The following FAH variants were observed in gnomAD, a reference collection of about 807,000 sequenced individuals.
FAH encodes the protein fumarylacetoacetase.
A neutral mutation model predicts 55.8 loss-of-function variants in FAH; 47 were observed. The ratio of observed to expected loss-of-function variants is 0.84; its 90% CI spans 0.67 to 1.07. The LOEUF (loss-of-function observed/expected upper bound fraction) is 1.07. Ranked by LOEUF, FAH falls within the 50% of genes least tolerant of loss-of-function variation. The pLI, the probability that FAH is intolerant of heterozygous loss-of-function variation, is 0.00. For synonymous variants in FAH, 199 were observed against 207.7 expected (o/e 0.96, Z 0.36); for missense variants, 495 against 545.9 (o/e 0.91, Z 0.93).
chr15:80,156,737 C>T (rs915761070), intron 1 of FAH: 1 of 152,142 alleles, frequency 6.6e-6, no homozygotes, highest in Non-Finnish European at 1.5e-5. Flanking sequence ...CCTGTGAGCC[C>T]CCTCTAGTTT....
At chr15:80,167,984 G>T in intron 5 of FAH, 68 bp from the exon 6 acceptor site, 2 of 1,336,858 alleles carry the variant, frequency 1.5e-6, no homozygotes, top group Non-Finnish European at 1.1e-6. Context: ...AGTTTTTGAA[G>T]TTTTTAAAGT....
At position 80,180,168 on chromosome 15, in the gene FAH, C is replaced by T. The variant is rs1159938534; in HGVS notation, c.1005C>T (p.Val335=). Residue 335 remains valine (V), a synonymous_variant, in exon 12 of 14, where the codon GTC becomes GTT. Transcript: ENST00000561421. ...TMLQQLTHHS[V]NGCNLRPGDL... ...TGCAGCAGCTCACTCACCACTCTGT[C>T]AACGGCTGCAACCTGCGGCCGGGGG... 1.9e-6 allele frequency: 3 copies of T among 1,610,884 alleles called. No homozygotes were observed. The highest frequency in any genetic ancestry group is 1.7e-6 in the Non-Finnish European group (2 of 1,179,976).
At chr15:80,177,511 A>G in intron 10 of FAH, 26 bp from the exon 11 acceptor site, 1 of 1,608,874 alleles carries the variant, frequency 6.2e-7, no homozygotes, top group Non-Finnish European at 8.5e-7. Context: ...TTAAGTTTTC[A>G]TCAATATTGC....
chr15:80,172,869 T>G, intron 8 of FAH, 145 bp from the exon 9 acceptor site: 3 of 1,083,852 alleles, frequency 2.8e-6, no homozygotes, highest in Non-Finnish European at 4.2e-6. Flanking sequence ...TCTTGCCCCT[T>G]TGTCCTGGGG....
intron 11 of FAH, 53 bp from the exon 12 acceptor site, chr15:80,180,071 A>T: frequency 8.0e-7 from 1 of 1,245,446 alleles, no homozygotes; most frequent in Non-Finnish European, 1.1e-6. Context: ...TGCCTCCGGG[A>T]TGCTAGGCTA....
Position 80,160,443 on chromosome 15 carries a change from C to T in FAH, c.348C>T (p.His116=), listed in dbSNP as rs538916726. Residue 116 remains histidine, a synonymous_variant, in exon 4 of 14, where the codon CAC becomes CAT. Coordinates refer to ENST00000561421, the MANE Select transcript of FAH (RefSeq NM_000137.4). ...TCTCCCAGGCTTCTGCCACGATGCA[C>T]CTTCCAGCCACCATAGGTGAGTGCA... The part of the protein sequence containing the change: ...AFISQASATM[H]LPATIGDYTD... 25 of 1,614,216 alleles carry T rather than the reference C, an allele frequency of 1.5e-5. No homozygotes were observed. The South Asian group carries it at 2.6e-4, about 17-fold the overall frequency.
At chr15:80,171,788 C>T (rs2041243109) in intron 7 of FAH, among the ~76,000 whole-genome samples, 1 of 152,088 alleles carries the variant, frequency 6.6e-6, no homozygotes, top group East Asian at 1.9e-4. Context: ...GAATACAAAC[C>T]CTGATAGTTT....
chr15:80,160,530 T>C (rs1311988842), intron 4 of FAH, 71 bp downstream of exon 4: 15 of 1,478,538 alleles, frequency 1.0e-5, no homozygotes, highest in Non-Finnish European at 1.4e-5. Context: ...CCAGGTGCTT[T>C]GGTTCTGCAT....
chr15:80,172,954 G>A (rs1160397646), intron 8 of FAH, 60 bp from the exon 9 acceptor site: 2 of 1,612,686 alleles, frequency 1.2e-6, no homozygotes, highest in Admixed American at 3.3e-5. Context: ...GGCAGGAGGG[G>A]GTCGTTGGGA....
At chr15:80,180,971 G>C in intron 12 of FAH, 71 bp from the exon 13 acceptor site, 1 of 1,294,948 alleles carries the variant, frequency 7.7e-7, no homozygotes, top group South Asian at 1.2e-5. Flanking sequence ...CCCAGGTCTT[G>C]CTGAGCATGG....
intron 4 of FAH, 98 bp from the exon 5 acceptor site, chr15:80,162,148 G>A (rs968708340): frequency 1.1e-6 from 1 of 885,508 alleles, no homozygotes; most frequent in Non-Finnish European, 1.9e-6. Context: ...TGTGTAAACA[G>A]TATTGTGTGC....
chr15:80,175,240 G>T, intron 10 of FAH, 149 bp downstream of exon 10: 1 of 735,862 alleles, frequency 1.4e-6, no homozygotes, highest in Non-Finnish European at 2.4e-6. Flanking sequence ...GAAAGAGGAG[G>T]GGAGGGGAGG....
chr15:80,163,647 A>G (rs2041168408), intron 5 of FAH: 1 of 152,262 alleles, frequency 6.6e-6, no homozygotes, highest in Admixed American at 6.5e-5. Context: ...TTATGTACAT[A>G]GTCTTTATTA....
upstream of FAH, chr15:80,152,998 C>G (rs1325254899): frequency 2.0e-6 from 3 of 1,507,636 alleles, no homozygotes; most frequent in Admixed American, 1.7e-5. Context: ...CGGCCGAGTT[C>G]AGTCCTGCTC....
chr15:80,161,410 A>G (rs1363362149), intron 4 of FAH, among the ~76,000 whole-genome samples: 2 of 150,544 alleles, frequency 1.3e-5, no homozygotes, highest in Non-Finnish European at 2.9e-5. Flanking sequence ...CTCACCCTTC[A>G]CCATGACTGT....
chr15:80,157,456 T>C (rs2041108785), intron 1 of FAH: 1 of 164,728 alleles, frequency 6.1e-6, no homozygotes, highest in Non-Finnish European at 1.3e-5. Flanking sequence ...TTAACAAATA[T>C]TTAAGACATC....
intron 4 of FAH, among the ~76,000 whole-genome samples, chr15:80,161,284 T>G (rs1240887084): frequency 1.3e-5 from 2 of 152,062 alleles, no homozygotes; most frequent in African/African-American, 2.4e-5. Flanking sequence ...TTTTTTTTTT[T>G]TTGTTATGGA....
At chr15:80,160,239 G>C (rs2041136941) in intron 3 of FAH, 171 bp from the exon 4 acceptor site, 1 of 727,262 alleles carries the variant, frequency 1.4e-6, no homozygotes, top group East Asian at 2.6e-5. Context: ...GGCTTCAGTG[G>C]GTGGATGTCC....
intron 10 of FAH, among the ~76,000 whole-genome samples, chr15:80,177,127 G>A (rs572190521): frequency 6.6e-6 from 1 of 152,216 alleles, no homozygotes; most frequent in Non-Finnish European, 1.5e-5. Flanking sequence ...CTCGGCAGGG[G>A]ACAGATGACC....
Sources: allele counts gnomAD v4.1 joint callset (sites outside exome capture counted in the v4.1 genomes callset), GRCh38; gene constraint gnomAD v4.1.1; transcripts MANE v1.5; gene names NCBI Gene and HGNC (gene_info 2026-07-23, HGNC 2026-07-21).